MAP4K3: variants seen among roughly 807,000 people sequenced by gnomAD.
MAP4K3 encodes mitogen-activated protein kinase kinase kinase kinase 3.
Under a neutral mutation model 143.5 loss-of-function variants are expected in MAP4K3, and 94 were observed. That is an observed-to-expected ratio of 0.65 (90% CI 0.55 to 0.78). The LOEUF is 0.78. Ranked by LOEUF, MAP4K3 falls within the 30% of genes least tolerant of loss-of-function variation. The probability of loss-of-function intolerance (pLI) is 0.00; values close to 1 mark genes in which losing one functional copy is unlikely to be tolerated. For synonymous variants in MAP4K3, 416 were observed against 347.2 expected, an observed-to-expected ratio of 1.20 and a Z score of -2.20; for missense variants, 1,077 against 1,068.1, an observed-to-expected ratio of 1.01 and a Z score of -0.12.
chr2:39,399,724 A>G (rs748770369), intron 1 of MAP4K3, among the ~76,000 whole-genome samples: 22 of 152,230 alleles, frequency 1.4e-4, no homozygotes, highest in Non-Finnish European at 2.8e-4. Flanking sequence ...AGTCACAGCC[A>G]TATCACTCAG....
intron 15 of MAP4K3, among the ~76,000 whole-genome samples, chr2:39,304,108 A>T (rs1682607464): frequency 6.6e-6 from 1 of 151,818 alleles, no homozygotes; most frequent in Non-Finnish European, 1.5e-5. Flanking sequence ...ATTCTAAAAA[A>T]TCAAGCCCTA....
chr2:39,306,315 A>G (rs1682705367), intron 15 of MAP4K3, among the ~76,000 whole-genome samples: 1 of 152,192 alleles, frequency 6.6e-6, no homozygotes, highest in Admixed American at 6.5e-5. Context: ...TCCAGCAAGC[A>G]CCGACTGTGT....
chr2:39,321,290 C>T (rs1176504887), intron 12 of MAP4K3, among the ~76,000 whole-genome samples: 2 of 152,014 alleles, frequency 1.3e-5, no homozygotes, highest in African/African-American at 2.4e-5. Context: ...ATCTTATTAC[C>T]CCCCAACCCC....
At chr2:39,428,729 A>G (rs1361532887) in intron 1 of MAP4K3, among the ~76,000 whole-genome samples, 1 of 152,110 alleles carries the variant, frequency 6.6e-6, no homozygotes, top group African/African-American at 2.4e-5. Context: ...ATCTTTTTAA[A>G]TAGTCATTTT....
At chr2:39,393,553 G>A (rs80213355) in intron 1 of MAP4K3, among the ~76,000 whole-genome samples, 10,666 of 151,698 alleles carry the variant, frequency 0.07, 1,265 homozygotes, top group African/African-American at 0.24. Context: ...TATTTTTTGC[G>A]CAGGGCCCAT....
chr2:39,361,509 C>T (rs140470189), intron 2 of MAP4K3, among the ~76,000 whole-genome samples: 117 of 151,518 alleles, frequency 7.7e-4, no homozygotes, highest in Middle Eastern at 6.8e-3. Context: ...CTATATATGA[C>T]TGTGCTCTTG....
intron 1 of MAP4K3, among the ~76,000 whole-genome samples, chr2:39,434,114 C>T (rs1043019725): frequency 6.6e-6 from 1 of 152,162 alleles, no homozygotes; most frequent in African/African-American, 2.4e-5. Flanking sequence ...CACCAACCTT[C>T]CAAGAATGAC....
In MAP4K3 at chr2:39,325,177, G is replaced by A. The variant is rs1683446164; in HGVS notation, c.918+341C>T. Among the ~76,000 whole-genome samples the A allele has an allele frequency of 5.3e-5, 8 of 152,198 alleles. No homozygotes were observed. The South Asian group carries it at 1.7e-3, about 32-fold the overall frequency. ...TTTGAATATTCAAATGTCTTGTTTA[G>A]GCACTTCCCATTTGCTTTCCCTTTT... On this transcript the variant is annotated intron_variant, in intron 12 of 33. Coordinates refer to ENST00000263881, the MANE Select transcript of MAP4K3 (RefSeq NM_003618.4).
intron 12 of MAP4K3, among the ~76,000 whole-genome samples, chr2:39,321,458 A>C (rs71513687): frequency 1.3e-5 from 2 of 152,188 alleles, no homozygotes; most frequent in Non-Finnish European, 1.5e-5. Context: ...ACACTACGGA[A>C]GGCCGCAGGG....
rs757732746 is a variant in MAP4K3 at position 39,265,330 on chromosome 2, AG to A, written c.2033-25del. The A allele has an allele frequency of 2.2e-6, 3 of 1,361,552 alleles. No individual in the cohort carries two copies. In the South Asian group the frequency reaches 3.5e-5, roughly 16 times the overall value. 84.3% of individuals were successfully genotyped at this position (1,361,552 alleles called of 1,614,324 possible). On this transcript the variant is annotated intron_variant, in intron 27 of 33. Transcript: ENST00000263881. ...TACTGTCAAAGCAAAAATATAAATG[AG>A]TTCTCTTATAAAACAAAGTCATTAT...
At chr2:39,415,484 A>G (rs1667345157) in intron 1 of MAP4K3, among the ~76,000 whole-genome samples, 1 of 152,180 alleles carries the variant, frequency 6.6e-6, no homozygotes, top group South Asian at 2.1e-4. Context: ...GTCAATTAAA[A>G]GAAAGGAAAG....
At chr2:39,321,648 G>C (rs1001029652) in intron 12 of MAP4K3, among the ~76,000 whole-genome samples, 1 of 152,202 alleles carries the variant, frequency 6.6e-6, no homozygotes, top group African/African-American at 2.4e-5. Flanking sequence ...ACAAGAGGAA[G>C]GCATCTGTCT....
In MAP4K3 at chr2:39,250,615, T is replaced by C. The variant is rs767371652; in HGVS notation, c.*3A>G. 4 of 1,612,902 alleles carry C rather than the reference T, an allele frequency of 2.5e-6. No individual in the cohort carries two copies. The highest frequency in any genetic ancestry group is 3.4e-6 in the Non-Finnish European group (4 of 1,179,086). Reference sequence around the variant, plus strand: ...AGAGTTAACTGTCAAAGCACAACAATTCTCAGTAACTGTTTTCATGACCCG... The same window carrying C: ...AGAGTTAACTGTCAAAGCACAACAACTCTCAGTAACTGTTTTCATGACCCG... On this transcript the variant is annotated 3_prime_UTR_variant, in exon 34 of 34. Coordinates refer to ENST00000263881, the MANE Select transcript of MAP4K3 (RefSeq NM_003618.4).
At chr2:39,293,142 A>C in intron 17 of MAP4K3, 88 bp downstream of exon 17, 1 of 974,288 alleles carries the variant, frequency 1.0e-6, no homozygotes, top group Non-Finnish European at 1.6e-6. Context: ...AGACAACGCA[A>C]ACAAATAGGC....
At chr2:39,284,924 T>A (rs1681702503) in intron 21 of MAP4K3, among the ~76,000 whole-genome samples, 1 of 152,042 alleles carries the variant, frequency 6.6e-6, no homozygotes, top group Admixed American at 6.5e-5. Flanking sequence ...ATGGTCTTGC[T>A]CTGTCACCCA....
intron 6 of MAP4K3, among the ~76,000 whole-genome samples, chr2:39,336,515 T>G (rs1392145628): frequency 7.1e-6 from 1 of 140,088 alleles, no homozygotes; most frequent in Non-Finnish European, 1.5e-5. Flanking sequence ...TATGAGAAAG[T>G]GTCAAAGGTC....
At chr2:39,393,642 T>C (rs372407862) in intron 1 of MAP4K3, among the ~76,000 whole-genome samples, 2 of 152,176 alleles carry the variant, frequency 1.3e-5, no homozygotes, top group African/African-American at 2.4e-5. Context: ...TTAAGATCAC[T>C]TATGTTTAAA....
chr2:39,333,599 A>G, intron 6 of MAP4K3, 25 bp from the exon 7 acceptor site: 6 of 1,411,090 alleles, frequency 4.3e-6, no homozygotes, highest in Non-Finnish European at 6.0e-6. Context: ...TATTTTAGTT[A>G]GAGTAGGAAA....
intron 12 of MAP4K3, among the ~76,000 whole-genome samples, chr2:39,324,240 C>G (rs1014497163): frequency 1.3e-5 from 2 of 152,086 alleles, no homozygotes; most frequent in African/African-American, 4.8e-5. Flanking sequence ...AACCCCATCT[C>G]TACTAAAAAT....
Sources: gnomAD v4.1 joint callset for allele counts (sites outside exome capture counted in the v4.1 genomes callset) on GRCh38, gnomAD v4.1.1 for gene constraint, MANE v1.5 for transcripts, NCBI Gene and HGNC (gene_info 2026-07-23, HGNC 2026-07-21) for gene names.